ZNF841: variants seen among roughly 807,000 people sequenced by gnomAD.
The protein encoded by ZNF841 is TCONS_00006091.
ZNF841 carries 11 observed loss-of-function variants against 13.0 expected under a neutral mutation model. The ratio of observed to expected loss-of-function variants is 0.85; its 90% CI spans 0.53 to 1.40. The LOEUF is 1.40. Ranked by LOEUF, ZNF841 falls within the 40% of genes most tolerant of loss-of-function variation. The pLI, the probability that ZNF841 is intolerant of heterozygous loss-of-function variation, is 0.00. For synonymous variants in ZNF841, 369 were observed against 381.6 expected, an observed-to-expected ratio of 0.97 and a Z score of 0.38; for missense variants, 1,068 against 1,139.5, an observed-to-expected ratio of 0.94 and a Z score of 0.90.
chr19:52,076,053 C>A lies in ZNF841; in HGVS notation c.262G>T (p.Val88Leu). The A allele has an allele frequency of 6.4e-7, 1 of 1,552,556 alleles. No homozygotes were observed. The highest frequency in any genetic ancestry group is 8.7e-7 in the Non-Finnish European group (1 of 1,147,472). The part of the protein sequence containing the change: ...NPNCGECMKG[V>L]ITGISPKCVI... ...CCATCTGAGCTCTTACCGGTGATCA[C>A]GCCTTTCATGCATTCCCCACAGTTT... The change falls in exon 6 of 7, where the codon GTG becomes TTG. Residue 88 changes from valine to leucine, a missense_variant. Val to Leu is a conservative substitution (Grantham distance 32). Coordinates refer to ENST00000594440, the MANE Select transcript of ZNF841 (RefSeq NM_001136499.2).
Position 52,084,186 on chromosome 19 carries a change from A to C in ZNF841, c.15+601T>G, listed in dbSNP as rs753855173. On this transcript the variant is annotated intron_variant, in intron 4 of 6. Coordinates refer to ENST00000594440, the MANE Select transcript of ZNF841 (RefSeq NM_001136499.2). ...TGGATATGCTGAGAATGGCTAAATTAATCTGACATTCAGGTTGATTTCATA... is the reference window on the plus strand; with the variant it reads ...TGGATATGCTGAGAATGGCTAAATTCATCTGACATTCAGGTTGATTTCATA... Among the ~76,000 whole-genome samples, 15 of 152,232 alleles carry C rather than the reference A, an allele frequency of 9.9e-5. No individual in the cohort carries two copies. In the South Asian group the frequency reaches 1.5e-3, roughly 15 times the overall value.
intron 5 of ZNF841, chr19:52,076,515 C>T: frequency 1.0e-5 from 3 of 296,732 alleles, no homozygotes; most frequent in Non-Finnish European, 1.3e-5. Context: ...CATGGTGTTG[C>T]ACACCCACAG....
intron 6 of ZNF841, among the ~76,000 whole-genome samples, chr19:52,073,333 C>G (rs886325641): frequency 6.7e-6 from 1 of 150,314 alleles, no homozygotes; most frequent in African/African-American, 2.4e-5. Flanking sequence ...GGGTCTTGCT[C>G]TGTCGCCCAG....
chr19:52,080,470 C>G (rs1010475468), intron 4 of ZNF841, among the ~76,000 whole-genome samples: 1 of 152,168 alleles, frequency 6.6e-6, no homozygotes, highest in Non-Finnish European at 1.5e-5. Context: ...CCACAACTCC[C>G]AAGATCATCT....
At chr19:52,059,495 A>G (rs1376578165), downstream of ZNF841, among the ~76,000 whole-genome samples, 2 of 151,648 alleles carry the variant, frequency 1.3e-5, no homozygotes, top group African/African-American at 4.9e-5. Context: ...AATTAGAATG[A>G]TACAAGATAC....
downstream of ZNF841, among the ~76,000 whole-genome samples, chr19:52,064,269 C>T (rs2087457600): frequency 6.9e-6 from 1 of 145,738 alleles, no homozygotes; most frequent in African/African-American, 2.5e-5. Flanking sequence ...TGGCGTGAAC[C>T]CAGGAAGCAG....
chr19:52,087,640 A>T (rs914793038), intron 3 of ZNF841, among the ~76,000 whole-genome samples: 5 of 152,070 alleles, frequency 3.3e-5, no homozygotes, highest in African/African-American at 9.7e-5. Flanking sequence ...GTGCCACATT[A>T]TCAAACTGAA....
intron 1 of ZNF841, 85 bp from the exon 2 acceptor site, chr19:52,094,056 ACAGT>A (rs1449052853): frequency 2.6e-5 from 4 of 152,302 alleles, no homozygotes; most frequent in African/African-American, 4.8e-5. Context: ...TCTTGTAGTG[ACAGT>A]CAGTCATTTC....
intron 2 of ZNF841, among the ~76,000 whole-genome samples, chr19:52,089,509 T>A (rs2088399947): frequency 6.6e-6 from 1 of 151,548 alleles, no homozygotes; most frequent in Non-Finnish European, 1.5e-5. Flanking sequence ...CAGCCGGACA[T>A]GGTGACACAC....
intron 4 of ZNF841, among the ~76,000 whole-genome samples, chr19:52,081,880 C>T (rs1343877794): frequency 2.0e-5 from 3 of 151,968 alleles, no homozygotes; most frequent in East Asian, 3.9e-4. Context: ...GAAAAAAAGT[C>T]GAGTTAAAAA....
At chr19:52,089,695 T>C (rs2088406970) in intron 2 of ZNF841, among the ~76,000 whole-genome samples, 1 of 152,100 alleles carries the variant, frequency 6.6e-6, no homozygotes, top group African/African-American at 2.4e-5. Flanking sequence ...TAATCCCACT[T>C]CCAAGTGCTT....
downstream of ZNF841, among the ~76,000 whole-genome samples, chr19:52,059,658 A>G (rs1214237550): frequency 6.6e-6 from 1 of 152,026 alleles, no homozygotes; most frequent in Non-Finnish European, 1.5e-5. Flanking sequence ...TACAAAAAAT[A>G]CAAAAATTAG....
At chr19:52,082,591 C>T (rs934550308) in intron 4 of ZNF841, among the ~76,000 whole-genome samples, 20 of 152,098 alleles carry the variant, frequency 1.3e-4, no homozygotes, top group African/African-American at 4.6e-4. Context: ...GTATACCATC[C>T]TAAAAGAAGC....
chr19:52,075,980 C>G lies in ZNF841; in HGVS notation c.271+64G>C, dbSNP rs1291788155. On this transcript the variant is annotated intron_variant, in intron 6 of 6. Transcript: ENST00000594440. ...TTTGTTTCCCCACAGAACTCTCCCA[C>G]TTGCAGAGTCTTACGCACACAATTT... 4 of 1,521,688 alleles carry G rather than the reference C, an allele frequency of 2.6e-6. No homozygotes were observed. The South Asian group carries it at 4.9e-5, about 19-fold the overall frequency. The allele number at this position is 1,521,688 out of a possible 1,614,324, so 94.3% of individuals were successfully genotyped here.
chr19:52,076,343 T>C, intron 5 of ZNF841, 171 bp from the exon 6 acceptor site: 1 of 786,608 alleles, frequency 1.3e-6, no homozygotes, highest in Non-Finnish European at 1.9e-6. Flanking sequence ...GATATCTAGC[T>C]CTCTCCCAAG....
At chr19:52,076,254 A>C in intron 5 of ZNF841, 82 bp from the exon 6 acceptor site, 1 of 1,470,166 alleles carries the variant, frequency 6.8e-7, no homozygotes, top group South Asian at 1.3e-5. Flanking sequence ...AAAACACTGC[A>C]GTTGAATCTA....
intron 3 of ZNF841, among the ~76,000 whole-genome samples, chr19:52,085,883 G>A (rs1156290573): frequency 6.6e-6 from 1 of 152,190 alleles, no homozygotes; most frequent in Non-Finnish European, 1.5e-5. Context: ...CCCTTTTTAA[G>A]TAAACATAAC....
chr19:52,079,979 G>A (rs1010859530), intron 4 of ZNF841, among the ~76,000 whole-genome samples: 1 of 125,168 alleles, frequency 8.0e-6, no homozygotes, highest in Admixed American at 9.7e-5. Flanking sequence ...CAACAAGAGC[G>A]AAACTCCATC....
chr19:52,085,578 T>C (rs933786856), intron 3 of ZNF841, among the ~76,000 whole-genome samples: 8 of 151,498 alleles, frequency 5.3e-5, no homozygotes, highest in South Asian at 2.1e-4. Context: ...GAGAGGAGGG[T>C]GAGGCACAGA....
Sources: gnomAD v4.1 joint callset for allele counts (sites outside exome capture counted in the v4.1 genomes callset) on GRCh38, gnomAD v4.1.1 for gene constraint, MANE v1.5 for transcripts, NCBI Gene and HGNC (gene_info 2026-07-23, HGNC 2026-07-21) for gene names.